DGKK: variants seen among roughly 807,000 people sequenced by gnomAD.
The protein encoded by DGKK is diacylglycerol kinase kappa, also known as 142 kDa diacylglycerol kinase.
DGKK carries 35 observed loss-of-function variants against 92.2 expected under a neutral mutation model. That is an observed-to-expected ratio of 0.38 (90% CI 0.29 to 0.50). The LOEUF is 0.50. Ranked by LOEUF, DGKK falls within the 20% of genes least tolerant of loss-of-function variation. The pLI, the probability that DGKK is intolerant of heterozygous loss-of-function variation, is 0.92. For missense variants in DGKK, 910 were observed against 992.2 expected, an observed-to-expected ratio of 0.92 and a Z score of 1.11; for synonymous variants, 368 against 360.6, an observed-to-expected ratio of 1.02 and a Z score of -0.23.
chrX:50,384,695 G>T, intron 16 of DGKK, 25 bp downstream of exon 16: 2 of 1,173,328 alleles, frequency 1.7e-6, no homozygotes, highest in Non-Finnish European at 2.3e-6. Context: ...GCTAGAATAA[G>T]GGAAGAAGAC....
At chrX:50,459,278 C>T (rs1382583482) in intron 1 of DGKK, among the ~76,000 whole-genome samples, 1 of 111,096 alleles carries the variant, frequency 9.0e-6, no homozygotes, top group Non-Finnish European at 1.9e-5. Flanking sequence ...GAACACTTAA[C>T]AGACAAGCAG....
intron 8 of DGKK, among the ~76,000 whole-genome samples, chrX:50,399,484 G>A (rs1239439135): frequency 8.9e-6 from 1 of 111,972 alleles, no homozygotes; most frequent in Non-Finnish European, 1.9e-5. Flanking sequence ...TCAGTGAAAC[G>A]AGGGCTCACT....
intron 1 of DGKK, among the ~76,000 whole-genome samples, chrX:50,469,636 C>A (rs1478989119): frequency 2.7e-5 from 3 of 112,845 alleles, no homozygotes; most frequent in African/African-American, 9.6e-5. Flanking sequence ...TGTGTCCCAC[C>A]GCCCCCACTC....
At chrX:50,414,051 CTGGTGACA>C (rs1925367944) in intron 4 of DGKK, among the ~76,000 whole-genome samples, 1 of 112,018 alleles carries the variant, frequency 8.9e-6, no homozygotes, top group Non-Finnish European at 1.9e-5. Context: ...AATTCTATCA[CTGGTGACA>C]ACATGGGTGA....
At chrX:50,402,987 T>C in intron 7 of DGKK, 74 bp downstream of exon 7, 1 of 1,152,796 alleles carries the variant, frequency 8.7e-7, no homozygotes, top group Non-Finnish European at 1.2e-6. Context: ...TCTATGTGTA[T>C]ACATGGTCAA....
intron 14 of DGKK, 107 bp downstream of exon 14, chrX:50,387,447 C>T: frequency 1.6e-6 from 1 of 607,884 alleles, no homozygotes; most frequent in Non-Finnish European, 2.6e-6. Context: ...AGCTGCCCCT[C>T]CTTTCCTTTC....
chrX:50,370,918 C>T lies in DGKK; in HGVS notation c.3613-369G>A, dbSNP rs186611423. ...GATTAGAAGGATGAGATTGCTAGCG[C>T]CACTGCTAGCTCACATGGAATCTCT... On this transcript the variant is annotated intron_variant, in intron 26 of 27. Coordinates refer to ENST00000611977, the MANE Select transcript of DGKK (RefSeq NM_001013742.4). Among the ~76,000 whole-genome samples, 194 of 112,375 alleles carry T rather than the reference C, an allele frequency of 1.7e-3. 1 individual carries two copies. Among genetic ancestry groups the T allele is most frequent in the African/African-American group, 5.7e-3 (176 of 30,994 alleles).
chrX:50,451,702 C>T (rs1342647101), intron 1 of DGKK, among the ~76,000 whole-genome samples: 1 of 111,120 alleles, frequency 9.0e-6, no homozygotes, highest in Non-Finnish European at 1.9e-5. Context: ...TGGCAACAGG[C>T]AAGAACTTAC....
At chrX:50,383,999 G>A (rs781897453) in intron 17 of DGKK, among the ~76,000 whole-genome samples, 169 bp downstream of exon 17, 8 of 111,833 alleles carry the variant, frequency 7.2e-5, no homozygotes, top group African/African-American at 2.6e-4. Context: ...GTTCTACAAT[G>A]GTCTTCATTT....
intron 22 of DGKK, among the ~76,000 whole-genome samples, chrX:50,377,387 C>A (rs1924301811): frequency 8.9e-6 from 1 of 112,623 alleles, no homozygotes; most frequent in Admixed American, 9.4e-5. Flanking sequence ...TTTAACCTCT[C>A]TGGTCCTCAT....
chrX:50,370,491 A>G lies in DGKK; in HGVS notation c.3671T>C (p.Leu1224Ser), dbSNP rs1557223015. 8.4e-7 allele frequency: 1 copy of G among 1,193,658 alleles called. No homozygotes were observed. The highest frequency in any genetic ancestry group is 1.8e-5 in the South Asian group (1 of 54,300). ...SLRLKIKFPK[L>S]GKKKVEEERK... is the part of the protein sequence containing the mutation. The stretch of plus-strand genomic sequence containing the variant: ...TTCCTCTTCTACCTTTTTCTTTCCC[A>G]ATTTGGGGAACTTAATTTTCAGCCT... The change falls in exon 27 of 28, where the codon TTG becomes TCG. Residue 1224 changes from leucine (L) to serine (S), a missense_variant. By Grantham distance (145) the Leu-to-Ser change is moderately radical (BLOSUM62 -2). Coordinates refer to ENST00000611977, the MANE Select transcript of DGKK (RefSeq NM_001013742.4).
intron 4 of DGKK, among the ~76,000 whole-genome samples, chrX:50,412,208 T>TA (rs1262366848): frequency 3.6e-5 from 4 of 111,771 alleles, no homozygotes; most frequent in Non-Finnish European, 7.5e-5. Context: ...CAATCCCACT[T>TA]ACAATAGCAA....
chrX:50,402,058 G>T (rs1422037220), intron 7 of DGKK, among the ~76,000 whole-genome samples: 2 of 111,241 alleles, frequency 1.8e-5, no homozygotes, highest in Admixed American at 1.9e-4. Context: ...CTCCTGGGGG[G>T]CTAAATTACC....
At chrX:50,429,562 G>A (rs782034683) in intron 1 of DGKK, among the ~76,000 whole-genome samples, 1 of 111,324 alleles carries the variant, frequency 9.0e-6, no homozygotes, top group African/African-American at 3.3e-5. Flanking sequence ...GGTGGCGGGC[G>A]CCTGTAGTCC....
At position 50,422,546 on chromosome X, in the gene DGKK, A is replaced by G. The variant is rs782275087; in HGVS notation, c.757-20T>C. 1.3e-5 allele frequency: 15 copies of G among 1,165,677 alleles called. No individual in the cohort carries two copies. In the African/African-American group the frequency reaches 1.6e-4, roughly 13 times the overall value. ...TGCAAACTGGAAAGATATAAGACAG[A>G]GAGGGACAAGGAACCGTCTGGTTAA... On this transcript the variant is annotated intron_variant, in intron 2 of 27. Transcript: ENST00000611977.
intron 11 of DGKK, among the ~76,000 whole-genome samples, chrX:50,391,164 C>T (rs1924683539): frequency 9.0e-6 from 1 of 110,981 alleles, no homozygotes; most frequent in African/African-American, 3.3e-5. Context: ...GTTGCCCAGA[C>T]TGGAATGCAT....
chrX:50,429,217 A>G (rs1308499174), intron 1 of DGKK, among the ~76,000 whole-genome samples: 1 of 111,167 alleles, frequency 9.0e-6, no homozygotes, highest in Non-Finnish European at 1.9e-5. Flanking sequence ...GGTTTCCCTT[A>G]CTTTGTCCAA....
intron 1 of DGKK, among the ~76,000 whole-genome samples, chrX:50,424,930 C>G (rs1296406002): frequency 1.8e-5 from 2 of 112,011 alleles, no homozygotes; most frequent in Non-Finnish European, 3.8e-5. Context: ...AAAGGAACCA[C>G]AAGAAAACTA....
At chrX:50,375,307 G>A (rs1458269002) in intron 24 of DGKK, among the ~76,000 whole-genome samples, 1 of 111,723 alleles carries the variant, frequency 9.0e-6, no homozygotes, top group African/African-American at 3.3e-5. Context: ...AGCACGGCTT[G>A]GCTTTGGCAT....
Sources: allele counts gnomAD v4.1 joint callset (sites outside exome capture counted in the v4.1 genomes callset), GRCh38; gene constraint gnomAD v4.1.1; transcripts MANE v1.5; gene names NCBI Gene and HGNC (gene_info 2026-07-23, HGNC 2026-07-21).